The following IPO11 variants were observed in gnomAD, a reference collection of about 807,000 sequenced individuals.
IPO11 encodes importin 11.
In IPO11, 66 loss-of-function variants were observed where a neutral mutation model predicts 143.2. That is an observed-to-expected ratio of 0.46 (90% CI 0.38 to 0.57). IPO11 has a LOEUF of 0.57. Among genes scored for constraint, IPO11 ranks in the 20% least tolerant of loss-of-function variants. IPO11 has a pLI of 0.00. For missense variants in IPO11, 1,026 were observed against 1,141.0 expected, an observed-to-expected ratio of 0.90 and a Z score of 1.45; for synonymous variants, 385 against 377.8, an observed-to-expected ratio of 1.02 and a Z score of -0.22.
At chr5:62,503,514 GC>G (rs1242450345) in intron 16 of IPO11, among the ~76,000 whole-genome samples, 1 of 151,704 alleles carries the variant, frequency 6.6e-6, no homozygotes, top group Non-Finnish European at 1.5e-5. Context: ...GGCTTACTCA[GC>G]TTTTTCTACA....
At chr5:62,541,644 A>G (rs1742942018) in intron 24 of IPO11, among the ~76,000 whole-genome samples, 1 of 151,946 alleles carries the variant, frequency 6.6e-6, no homozygotes, top group Non-Finnish European at 1.5e-5. Context: ...TTGTGCCACT[A>G]TACTCCAGCC....
At chr5:62,581,167 A>T in intron 27 of IPO11, 2 of 1,551,240 alleles carry the variant, frequency 1.3e-6, no homozygotes, top group South Asian at 1.2e-5. Flanking sequence ...TCAGTCAGCA[A>T]GGTATAATGT....
chr5:62,613,298 CTT>C lies in IPO11; in HGVS notation c.2763+11472_2763+11473del, dbSNP rs372608086. On this transcript the variant is annotated intron_variant, in intron 29 of 29. Coordinates refer to ENST00000325324, the MANE Select transcript of IPO11 (RefSeq NM_016338.5). ...AATATCTCCTATTCCACATGCTCTTCTTTTTTTTTTTTTTTTTTTTTTTGAGG... is the reference window on the plus strand; with the variant it reads ...AATATCTCCTATTCCACATGCTCTTCTTTTTTTTTTTTTTTTTTTTTGAGG... Among the ~76,000 whole-genome samples, 284 of 69,086 alleles carry C rather than the reference CTT, an allele frequency of 4.1e-3. 2 individuals are homozygous for C. The highest frequency in any genetic ancestry group is 0.015 in the African/African-American group (279 of 18,610). The allele number at this position is 69,086 out of a possible 152,430, so 45.3% of individuals were successfully genotyped here.
chr5:62,539,407 A>G (rs1407255879), intron 24 of IPO11, among the ~76,000 whole-genome samples: 2 of 152,228 alleles, frequency 1.3e-5, no homozygotes, highest in Admixed American at 6.5e-5. Context: ...GACAAAAGTC[A>G]TAATTGATTA....
intron 26 of IPO11, among the ~76,000 whole-genome samples, chr5:62,552,111 G>A (rs978941774): frequency 3.3e-5 from 5 of 151,952 alleles, no homozygotes; most frequent in Admixed American, 2.6e-4. Flanking sequence ...GCGACAGAGA[G>A]AAACTCTGTC....
Position 62,537,074 on chromosome 5 carries a change from T to A in IPO11, c.2170-135T>A, listed in dbSNP as rs552494212. The A allele has an allele frequency of 1.8e-4, 104 of 576,418 alleles. 2 individuals are homozygous for A. In the South Asian group the frequency reaches 3.6e-3, roughly 20 times the overall value. The allele number at this position is 576,418 out of a possible 1,614,324, so 35.7% of individuals were successfully genotyped here. A position where few individuals can be genotyped will look rare whatever the true frequency, so the allele number is the denominator to read the frequency against. On this transcript the variant is annotated intron_variant, in intron 23 of 29. Transcript: ENST00000325324. ...CTTTTTTAACTTTTCCTAAGCGTTC[T>A]GATTGAAATTTGATATGCTTAGACC...
intron 3 of IPO11, among the ~76,000 whole-genome samples, chr5:62,443,576 G>A (rs540391418): frequency 1.3e-5 from 2 of 151,456 alleles, no homozygotes; most frequent in South Asian, 2.1e-4. Flanking sequence ...CATCCTGGGC[G>A]ACATGGAGAG....
At chr5:62,555,589 C>T (rs552667171) in intron 26 of IPO11, among the ~76,000 whole-genome samples, 185 of 151,744 alleles carry the variant, frequency 1.2e-3, no homozygotes, top group African/African-American at 3.8e-3. Context: ...CTGCAAGCCC[C>T]GCCTCCCGGG....
At chr5:62,419,598 T>C (rs752714377) in intron 1 of IPO11, among the ~76,000 whole-genome samples, 1 of 152,186 alleles carries the variant, frequency 6.6e-6, no homozygotes, top group Non-Finnish European at 1.5e-5. Context: ...TCTTCTATGA[T>C]AGCAATGACT....
intron 4 of IPO11, among the ~76,000 whole-genome samples, chr5:62,451,207 T>C (rs888613153): frequency 2.6e-5 from 4 of 152,340 alleles, no homozygotes; most frequent in Middle Eastern, 3.4e-3. Context: ...AGGATCTCGT[T>C]ATACTGCTAA....
chr5:62,445,381 G>A (rs925355380), intron 3 of IPO11, among the ~76,000 whole-genome samples: 2 of 152,014 alleles, frequency 1.3e-5, no homozygotes, highest in Non-Finnish European at 2.9e-5. Flanking sequence ...AAAATTAAAG[G>A]TGGAATGTTA....
At chr5:62,589,006 G>A (rs1313943383) in intron 27 of IPO11, among the ~76,000 whole-genome samples, 3 of 152,058 alleles carry the variant, frequency 2.0e-5, no homozygotes, top group South Asian at 2.1e-4. Flanking sequence ...TTCCCACTGT[G>A]TGCCTCCAAG....
rs766984645 is a variant in IPO11 at position 62,591,643 on chromosome 5, G to A, written c.2649G>A (p.Thr883=). 4 of 1,606,960 alleles carry A rather than the reference G, an allele frequency of 2.5e-6. No individual in the cohort carries two copies. Among genetic ancestry groups the A allele is most frequent in the East Asian group, 2.2e-5 (1 of 44,558 alleles). ...ISVEGLHDVM[T]EDPETGTYKD... ...TAGAAGGCCTGCATGATGTCATGAC[G>A]GAAGATCCTGAAACAGGAACTTATA... is the stretch of plus-strand genomic sequence containing the variant. The change falls in exon 28 of 30, where the codon ACG becomes ACA. Residue 883 remains threonine (T), a synonymous_variant. Coordinates refer to ENST00000325324, the MANE Select transcript of IPO11 (RefSeq NM_016338.5).
At chr5:62,556,295 A>G (rs1743573873) in intron 26 of IPO11, among the ~76,000 whole-genome samples, 1 of 152,188 alleles carries the variant, frequency 6.6e-6, no homozygotes, top group Admixed American at 6.5e-5. Context: ...ACTGCTCTCC[A>G]GTCTGGGTGA....
chr5:62,541,718 AT>A (rs964386413), intron 24 of IPO11, among the ~76,000 whole-genome samples: 35 of 151,796 alleles, frequency 2.3e-4, no homozygotes, highest in African/African-American at 7.7e-4. Context: ...ATTTTATTTT[AT>A]TTTTTTTGGC....
intron 27 of IPO11, among the ~76,000 whole-genome samples, chr5:62,588,382 C>A (rs1744883237): frequency 6.6e-6 from 1 of 152,072 alleles, no homozygotes; most frequent in Admixed American, 6.5e-5. Flanking sequence ...CAGGCGTGCA[C>A]CACTGCCCCC....
At position 62,598,369 on chromosome 5, in the gene IPO11, T is replaced by C. The variant is rs1289454529; in HGVS notation, c.2679-3395T>C. 1.3e-5 allele frequency among the ~76,000 whole-genome samples: 2 copies of C among 150,312 alleles called. 1 individual carries two copies. The highest frequency in any genetic ancestry group is 3.0e-5 in the Non-Finnish European group (2 of 67,660). On this transcript the variant is annotated intron_variant, in intron 28 of 29. Coordinates refer to ENST00000325324, the MANE Select transcript of IPO11 (RefSeq NM_016338.5). ...GTTTTGTCTTATGTGAAACGACCCATAAATTGTTTGCTTGCTTGCTTGCTT... is the reference window on the plus strand; with the variant it reads ...GTTTTGTCTTATGTGAAACGACCCACAAATTGTTTGCTTGCTTGCTTGCTT...
chr5:62,529,093 G>T (rs985035230), intron 21 of IPO11, among the ~76,000 whole-genome samples: 2 of 151,920 alleles, frequency 1.3e-5, no homozygotes, highest in African/African-American at 4.8e-5. Flanking sequence ...TGGGCTTGTT[G>T]TCATCTGATC....
intron 16 of IPO11, 88 bp from the exon 17 acceptor site, chr5:62,504,579 A>G (rs1263861958): frequency 4.1e-6 from 3 of 733,944 alleles, no homozygotes; most frequent in South Asian, 3.6e-5. Context: ...GAGTACAGAA[A>G]GTGATTTGGA....
Sources: allele counts gnomAD v4.1 joint callset (sites outside exome capture counted in the v4.1 genomes callset), GRCh38; gene constraint gnomAD v4.1.1; transcripts MANE v1.5; gene names NCBI Gene and HGNC (gene_info 2026-07-23, HGNC 2026-07-21).